The following DIAPH2 variants were observed in gnomAD, a reference collection of about 807,000 sequenced individuals.
The protein encoded by DIAPH2 is protein diaphanous homolog 2.
In DIAPH2, 35 loss-of-function variants were observed where a neutral mutation model predicts 92.7. That is an observed-to-expected ratio of 0.38 (90% CI 0.29 to 0.50). The LOEUF is 0.50. Among genes scored for constraint, DIAPH2 ranks in the 20% least tolerant of loss-of-function variants. DIAPH2 has a pLI of 0.94. For missense variants in DIAPH2, 701 were observed against 819.5 expected, an observed-to-expected ratio of 0.86 and a Z score of 1.77; for synonymous variants, 301 against 280.4, an observed-to-expected ratio of 1.07 and a Z score of -0.73.
At chrX:97,486,755 T>A (rs975894532) in intron 26 of DIAPH2, among the ~76,000 whole-genome samples, 2 of 112,219 alleles carry the variant, frequency 1.8e-5, no homozygotes, top group Admixed American at 1.9e-4. Flanking sequence ...CTATATTTGT[T>A]TTTTGGTTGT....
chrX:97,276,157 G>T (rs979841030), intron 23 of DIAPH2, among the ~76,000 whole-genome samples: 1 of 109,206 alleles, frequency 9.2e-6, no homozygotes, highest in East Asian at 3.0e-4. Context: ...CGTGCCTGCA[G>T]TCGCAGGCAC....
intron 24 of DIAPH2, among the ~76,000 whole-genome samples, chrX:97,370,060 G>C (rs987369846): frequency 6.3e-5 from 7 of 111,748 alleles, no homozygotes; most frequent in East Asian, 5.6e-4. Flanking sequence ...AAAGAGGCTT[G>C]TTTGTGATGC....
At chrX:97,174,585 T>A (rs2067478500) in intron 22 of DIAPH2, among the ~76,000 whole-genome samples, 1 of 111,924 alleles carries the variant, frequency 8.9e-6, no homozygotes, top group Non-Finnish European at 1.9e-5. Context: ...TAAAACAATT[T>A]GATTCCTTTA....
intron 19 of DIAPH2, among the ~76,000 whole-genome samples, chrX:97,085,455 C>T (rs2066776567): frequency 9.0e-6 from 1 of 111,146 alleles, no homozygotes; most frequent in African/African-American, 3.3e-5. Context: ...GATGGAGCCT[C>T]GTTTAGTTGC....
intron 26 of DIAPH2, among the ~76,000 whole-genome samples, chrX:97,531,467 G>A (rs763395023): frequency 1.1e-4 from 12 of 111,613 alleles, no homozygotes; most frequent in South Asian, 3.7e-4. Context: ...CAGTAAAATC[G>A]GCTAACTAAC....
At position 97,344,700 on chromosome X, in the gene DIAPH2, T is replaced by G. The variant is rs1048958766; in HGVS notation, c.2845-3416T>G. ...TCAGAATTTTTCAGGTTTCCTCACT[T>G]GGGTACGAGACAATTTCTGAAATCA... is the stretch of plus-strand genomic sequence containing the variant. On this transcript the variant is annotated intron_variant, in intron 23 of 26. Coordinates refer to ENST00000324765, the MANE Select transcript of DIAPH2 (RefSeq NM_006729.5). Among the ~76,000 whole-genome samples, 4 of 112,317 alleles carry G rather than the reference T, an allele frequency of 3.6e-5. No homozygotes were observed. In the Admixed American group the frequency reaches 3.8e-4, roughly 11 times the overall value.
At chrX:96,866,392 G>A (rs771638887) in intron 4 of DIAPH2, among the ~76,000 whole-genome samples, 1 of 112,001 alleles carries the variant, frequency 8.9e-6, no homozygotes, top group Non-Finnish European at 1.9e-5. Context: ...TTTTCCCAAA[G>A]ACATATTTCA....
At chrX:97,123,358 T>C (rs749510945) in intron 21 of DIAPH2, among the ~76,000 whole-genome samples, 2 of 112,233 alleles carry the variant, frequency 1.8e-5, no homozygotes, top group African/African-American at 3.2e-5. Flanking sequence ...TCCTACACTT[T>C]TTCATGTAAA....
chrX:97,084,123 T>C (rs2066766916), intron 19 of DIAPH2, among the ~76,000 whole-genome samples: 1 of 110,738 alleles, frequency 9.0e-6, no homozygotes, highest in Non-Finnish European at 1.9e-5. Context: ...TTTAAATATG[T>C]CATTTAGATA....
intron 25 of DIAPH2, among the ~76,000 whole-genome samples, chrX:97,385,229 G>A (rs371539977): frequency 3.6e-5 from 4 of 110,741 alleles, no homozygotes; most frequent in Non-Finnish European, 7.6e-5. Context: ...AGACTTTTAC[G>A]TATTTATTTA....
At chrX:97,441,154 G>A (rs903197230) in intron 26 of DIAPH2, among the ~76,000 whole-genome samples, 2 of 111,575 alleles carry the variant, frequency 1.8e-5, no homozygotes, top group Admixed American at 9.5e-5. Context: ...AGTGGCTCAC[G>A]CCTATAATCC....
At chrX:96,939,484 G>GTGTGTATATATACATATA (rs745521574) in intron 12 of DIAPH2, 102 bp downstream of exon 12, 4 of 143,888 alleles carry the variant, frequency 2.8e-5, no homozygotes, top group African/African-American at 1.6e-4. Flanking sequence ...ATATGTGTGT[G>GTGTGTATATATACATATA]TATGTATATA....
intron 22 of DIAPH2, among the ~76,000 whole-genome samples, chrX:97,192,761 G>A: frequency 9.0e-6 from 1 of 110,656 alleles, no homozygotes. Flanking sequence ...AGTGCCTCCC[G>A]ATTTTTTGCA....
At chrX:96,813,302 T>G (rs891167388) in intron 4 of DIAPH2, among the ~76,000 whole-genome samples, 1 of 111,059 alleles carries the variant, frequency 9.0e-6, no homozygotes, top group East Asian at 2.8e-4. Flanking sequence ...TTTTGATCTT[T>G]GTTGGTTTAA....
intron 4 of DIAPH2, among the ~76,000 whole-genome samples, chrX:96,816,037 G>T (rs765248450): frequency 1.2e-3 from 129 of 111,407 alleles, no homozygotes; most frequent in African/African-American, 4.0e-3. Flanking sequence ...AGTTTTTTTT[G>T]ATGAGTTTGA....
chrX:96,972,062 T>C (rs936762822), intron 17 of DIAPH2, among the ~76,000 whole-genome samples: 3 of 111,620 alleles, frequency 2.7e-5, no homozygotes, highest in African/African-American at 9.8e-5. Context: ...TTTTCTTTTC[T>C]CTAGGGCACC....
At chrX:97,381,926 T>G (rs1240483237) in intron 24 of DIAPH2, among the ~76,000 whole-genome samples, 1 of 111,537 alleles carries the variant, frequency 9.0e-6, no homozygotes, top group Admixed American at 9.5e-5. Flanking sequence ...CCCTCCATCT[T>G]AATAAACTAT....
At chrX:96,701,735 G>A (rs1341343173) in intron 1 of DIAPH2, 1 of 111,552 alleles carries the variant, frequency 9.0e-6, no homozygotes, top group Non-Finnish European at 1.9e-5. Flanking sequence ...TAGAGAGAAG[G>A]TTGTGACTGA....
chrX:96,718,985 G>T (rs1449007915), intron 1 of DIAPH2, among the ~76,000 whole-genome samples: 1 of 111,355 alleles, frequency 9.0e-6, no homozygotes, highest in Admixed American at 9.6e-5. Context: ...TTAACTGGGG[G>T]TAACATGATA....
Sources: allele counts gnomAD v4.1 joint callset (sites outside exome capture counted in the v4.1 genomes callset), GRCh38; gene constraint gnomAD v4.1.1; transcripts MANE v1.5; gene names NCBI Gene and HGNC (gene_info 2026-07-23, HGNC 2026-07-21).